Variants in NEGR1 observed in about 807,000 individuals in gnomAD.
The protein encoded by NEGR1 is neuronal growth regulator 1, also known as IgLON family member 4.
A neutral mutation model predicts 40.9 loss-of-function variants in NEGR1; 10 were observed. The observed-to-expected ratio is 0.24, with a 90% CI of 0.15 to 0.42. The LOEUF (loss-of-function observed/expected upper bound fraction) is 0.42, where lower values mean the gene tolerates loss of function less well. Ranked by LOEUF, NEGR1 falls within the 10% of genes least tolerant of loss-of-function variation. NEGR1 has a pLI of 1.00. For synonymous variants in NEGR1, 185 were observed against 166.8 expected, an observed-to-expected ratio of 1.11 and a Z score of -0.84; for missense variants, 352 against 438.9, an observed-to-expected ratio of 0.80 and a Z score of 1.77.
At chr1:71,682,662 G>A (rs1652877646) in intron 4 of NEGR1, among the ~76,000 whole-genome samples, 1 of 152,102 alleles carries the variant, frequency 6.6e-6, no homozygotes, top group African/African-American at 2.4e-5. Flanking sequence ...ATGTGGCTAT[G>A]ATATAGTTTC....
At chr1:72,134,121 T>C (rs1184744921) in intron 1 of NEGR1, among the ~76,000 whole-genome samples, 1 of 152,138 alleles carries the variant, frequency 6.6e-6, no homozygotes, top group Admixed American at 6.5e-5. Context: ...TTTCTTTTTA[T>C]TGAAAGATGT....
intron 6 of NEGR1, among the ~76,000 whole-genome samples, chr1:71,508,559 T>C (rs1382004837): frequency 6.6e-6 from 1 of 152,188 alleles, no homozygotes; most frequent in East Asian, 1.9e-4. Context: ...CATTCCAAAC[T>C]ATAAAATTTA....
At chr1:71,731,164 G>A (rs1040077588) in intron 3 of NEGR1, among the ~76,000 whole-genome samples, 4 of 151,912 alleles carry the variant, frequency 2.6e-5, no homozygotes, top group African/African-American at 9.7e-5. Flanking sequence ...CATATTCTAG[G>A]TCCAGAAGGT....
At chr1:71,808,237 T>C (rs917524515) in intron 2 of NEGR1, among the ~76,000 whole-genome samples, 4 of 152,038 alleles carry the variant, frequency 2.6e-5, no homozygotes, top group Non-Finnish European at 5.9e-5. Flanking sequence ...TCAAAAGAAA[T>C]AAATGTTTCA....
intron 2 of NEGR1, among the ~76,000 whole-genome samples, chr1:71,896,028 C>T (rs1027898510): frequency 1.7e-4 from 25 of 144,918 alleles, no homozygotes; most frequent in African/African-American, 6.1e-4. Context: ...TCGATGATAA[C>T]GTTTAACTTT....
Position 71,420,259 on chromosome 1 carries a change from A to G in NEGR1, c.941-12689T>C, listed in dbSNP as rs138717737. On this transcript the variant is annotated intron_variant, in intron 6 of 6. Coordinates refer to ENST00000357731, the MANE Select transcript of NEGR1 (RefSeq NM_173808.3). The stretch of plus-strand genomic sequence containing the variant: ...TGCCTCCACTTTAGCAGTACTTTCA[A>G]TTATACTTAACCTTAATATATACAT... Among the ~76,000 whole-genome samples, 1,401 of 152,218 alleles carry G rather than the reference A, an allele frequency of 9.2e-3. 22 individuals are homozygous for G. The highest frequency in any genetic ancestry group is 0.032 in the African/African-American group (1,316 of 41,580).
chr1:71,845,738 C>T (rs552886429), intron 2 of NEGR1, among the ~76,000 whole-genome samples: 1 of 149,266 alleles, frequency 6.7e-6, no homozygotes, highest in Non-Finnish European at 1.5e-5. Flanking sequence ...TATCTATCTA[C>T]CTACCTACCT....
At chr1:71,460,018 A>G (rs776604745) in intron 6 of NEGR1, among the ~76,000 whole-genome samples, 16 of 152,212 alleles carry the variant, frequency 1.1e-4, no homozygotes, top group African/African-American at 3.9e-4. Flanking sequence ...TTCTACTTCC[A>G]TATCTTTTAG....
chr1:71,760,789 G>C (rs1570310645), intron 3 of NEGR1, among the ~76,000 whole-genome samples: 1 of 152,086 alleles, frequency 6.6e-6, no homozygotes, highest in African/African-American at 2.4e-5. Flanking sequence ...TTGGGTGACA[G>C]GCTGTGTACA....
Position 71,407,489 on chromosome 1 carries a change from G to A in NEGR1, c.1022C>T (p.Ser341Phe). 1 of 1,612,126 alleles carries A rather than the reference G, an allele frequency of 6.2e-7. No homozygotes were observed. The change falls in exon 7 of 7, where the codon TCT (serine) becomes TTT (phenylalanine). Residue 341 changes from serine (S) to phenylalanine (F), a missense_variant. Ser to Phe is a radical substitution (Grantham distance 155, BLOSUM62 -2). Transcript: ENST00000357731. The stretch of plus-strand genomic sequence containing the variant: ...CTTCAGGTAGAATATGCTGGTGAAA[G>A]AGGACAGTGTCAACACAAGGTACCA... Reference protein sequence around the residue: ...SCWYLVLTLSSFTSIFYLKNA... With the variant: ...SCWYLVLTLSFFTSIFYLKNA...
intron 2 of NEGR1, among the ~76,000 whole-genome samples, chr1:71,927,935 G>A (rs1459538842): frequency 6.8e-6 from 1 of 146,982 alleles, no homozygotes; most frequent in African/African-American, 2.5e-5. Flanking sequence ...GGAGGTTGAG[G>A]CTGCAGTAGG....
At chr1:71,973,843 T>C (rs1277435702) in intron 1 of NEGR1, among the ~76,000 whole-genome samples, 2 of 152,242 alleles carry the variant, frequency 1.3e-5, no homozygotes, top group African/African-American at 2.4e-5. Flanking sequence ...GCTTGTGGCT[T>C]CTTGTGTCTG....
At chr1:71,777,160 T>A (rs372648818) in intron 2 of NEGR1, among the ~76,000 whole-genome samples, 1 of 152,154 alleles carries the variant, frequency 6.6e-6, no homozygotes, top group Non-Finnish European at 1.5e-5. Context: ...AAATGTCTCA[T>A]TGAATCCTCA....
At chr1:72,008,172 A>G (rs527967962) in intron 1 of NEGR1, among the ~76,000 whole-genome samples, 2 of 152,238 alleles carry the variant, frequency 1.3e-5, no homozygotes, top group Non-Finnish European at 2.9e-5. Flanking sequence ...GTCAATTATT[A>G]CTATGCACAT....
intron 6 of NEGR1, among the ~76,000 whole-genome samples, chr1:71,564,256 C>T (rs941539759): frequency 5.3e-5 from 8 of 151,858 alleles, no homozygotes; most frequent in Non-Finnish European, 1.2e-4. Flanking sequence ...GGGGAATGCA[C>T]GTATGTTATT....
chr1:71,432,348 T>C (rs1358676274), intron 6 of NEGR1, among the ~76,000 whole-genome samples: 1 of 152,216 alleles, frequency 6.6e-6, no homozygotes, highest in East Asian at 1.9e-4. Context: ...ATGTAATGTT[T>C]TGGTATACTT....
At chr1:72,109,201 A>C (rs1255733815) in intron 1 of NEGR1, among the ~76,000 whole-genome samples, 1 of 151,716 alleles carries the variant, frequency 6.6e-6, no homozygotes, top group Non-Finnish European at 1.5e-5. Flanking sequence ...AGGTGATATT[A>C]AACTTTAAAA....
intron 3 of NEGR1, among the ~76,000 whole-genome samples, chr1:71,751,806 C>G (rs540930270): frequency 1.3e-5 from 2 of 152,064 alleles, no homozygotes; most frequent in Middle Eastern, 6.8e-3. Context: ...TTTTCTCCAT[C>G]AATAGAAAAA....
chr1:71,966,355 G>T (rs1646209369), intron 1 of NEGR1, among the ~76,000 whole-genome samples: 1 of 152,138 alleles, frequency 6.6e-6, no homozygotes, highest in Admixed American at 6.6e-5. Flanking sequence ...TTTAATATGT[G>T]CATGGATCGA....
Sources: allele counts gnomAD v4.1 joint callset (sites outside exome capture counted in the v4.1 genomes callset), GRCh38; gene constraint gnomAD v4.1.1; transcripts MANE v1.5; gene names NCBI Gene and HGNC (gene_info 2026-07-23, HGNC 2026-07-21).